MCC: variants seen among roughly 807,000 people sequenced by gnomAD.
MCC encodes the protein colorectal mutant cancer protein.
MCC carries 90 observed loss-of-function variants against 116.2 expected under a neutral mutation model. The ratio of observed to expected loss-of-function variants is 0.77; its 90% CI spans 0.65 to 0.92. The LOEUF is 0.92. Among genes scored for constraint, MCC ranks in the 40% least tolerant of loss-of-function variants. The pLI is 0.00. For synonymous variants in MCC, 578 were observed against 510.5 expected (o/e 1.13, Z -1.78); for missense variants, 1,516 against 1,312.2 (o/e 1.16, Z -2.40).
At chr5:113,074,342 C>G (rs566495836) in intron 11 of MCC, among the ~76,000 whole-genome samples, 1 of 152,208 alleles carries the variant, frequency 6.6e-6, no homozygotes, top group Non-Finnish European at 1.5e-5. Flanking sequence ...GGAAAACTAA[C>G]AAACAGAAAG....
At chr5:113,242,920 T>C (rs1263342895) in intron 3 of MCC, among the ~76,000 whole-genome samples, 2 of 152,206 alleles carry the variant, frequency 1.3e-5, no homozygotes, top group Non-Finnish European at 2.9e-5. Flanking sequence ...CCAGTGGTGG[T>C]GAGAGTTTCC....
chr5:113,153,464 G>A (rs1338473942), intron 3 of MCC, among the ~76,000 whole-genome samples: 1 of 152,184 alleles, frequency 6.6e-6, no homozygotes, highest in African/African-American at 2.4e-5. Context: ...ATGGGGGAGA[G>A]CACCGGGCTT....
intron 17 of MCC, among the ~76,000 whole-genome samples, chr5:113,035,340 G>A (rs563825145): frequency 6.6e-6 from 1 of 152,172 alleles, no homozygotes; most frequent in Non-Finnish European, 1.5e-5. Flanking sequence ...CCAGGTCCAA[G>A]TGGTCATCAC....
At chr5:113,426,952 C>G (rs1029989847) in intron 1 of MCC, among the ~76,000 whole-genome samples, 1 of 152,164 alleles carries the variant, frequency 6.6e-6, no homozygotes, top group Admixed American at 6.5e-5. Flanking sequence ...ATCCACAAAA[C>G]TCATCCTCAA....
intron 3 of MCC, among the ~76,000 whole-genome samples, chr5:113,179,151 T>C (rs998888194): frequency 3.3e-5 from 5 of 152,194 alleles, no homozygotes; most frequent in African/African-American, 1.2e-4. Context: ...GACATCCCTG[T>C]AAATCCATGT....
rs895407503 is a variant in MCC at position 113,071,323 on chromosome 5, G to T, written c.1785-89C>A. 5 of 1,413,026 alleles carry T rather than the reference G, an allele frequency of 3.5e-6. No homozygotes were observed. The African/African-American group carries it at 5.7e-5, about 16-fold the overall frequency. 87.5% of individuals were successfully genotyped at this position (1,413,026 alleles called of 1,614,324 possible). ...TCTCATTTATATTCAGGGCAGAAAA[G>T]CATGTGAGGATGTGGGCCTGTCAGA... On this transcript the variant is annotated intron_variant, in intron 11 of 18. Transcript: ENST00000408903.
intron 3 of MCC, among the ~76,000 whole-genome samples, chr5:113,165,003 G>A (rs539412542): frequency 6.0e-4 from 91 of 152,328 alleles, no homozygotes; most frequent in African/African-American, 1.6e-3. Context: ...AAAAGACCTT[G>A]TTCCTGCAAG....
chr5:113,453,510 C>T (rs1372966140), intron 1 of MCC, among the ~76,000 whole-genome samples: 1 of 152,210 alleles, frequency 6.6e-6, no homozygotes, highest in African/African-American at 2.4e-5. Context: ...TCAACTCCTC[C>T]TCCACCTCCC....
intron 1 of MCC, among the ~76,000 whole-genome samples, chr5:113,418,615 C>G (rs1049774298): frequency 6.6e-6 from 1 of 152,008 alleles, no homozygotes; most frequent in African/African-American, 2.4e-5. Flanking sequence ...TAAAGAAATA[C>G]TGTATGTAAA....
At chr5:113,085,058 G>A (rs1478245656) in intron 9 of MCC, 106 bp downstream of exon 9, 27 of 1,486,604 alleles carry the variant, frequency 1.8e-5, no homozygotes, top group Non-Finnish European at 2.2e-5. Flanking sequence ...GAAGCCCCTT[G>A]TGCTGTCTCA....
chr5:113,203,222 C>G lies in MCC; in HGVS notation c.628-51800G>C, dbSNP rs187024906. 8 of 152,414 alleles carry G rather than the reference C, an allele frequency of 5.2e-5. No homozygotes were observed. The East Asian group carries it at 1.4e-3, about 26-fold the overall frequency. 9.4% of individuals were successfully genotyped at this position (152,414 alleles called of 1,614,324 possible). A position where few individuals can be genotyped will look rare whatever the true frequency, so the allele number is the denominator to read the frequency against. On this transcript the variant is annotated intron_variant, in intron 3 of 18. Transcript: ENST00000408903. ...GCACTGTGAGCTGGGCCAGTTGCCC[C>G]GCTTGTGCTCCTACCTTGACATGTG...
intron 2 of MCC, among the ~76,000 whole-genome samples, chr5:113,365,617 T>G (rs1768667751): frequency 6.6e-6 from 1 of 152,172 alleles, no homozygotes; most frequent in South Asian, 2.1e-4. Context: ...TTGGTACCAA[T>G]TTTCTGTATT....
At chr5:113,205,140 A>G (rs1762859458) in intron 3 of MCC, among the ~76,000 whole-genome samples, 1 of 151,986 alleles carries the variant, frequency 6.6e-6, no homozygotes, top group African/African-American at 2.4e-5. Flanking sequence ...CCTTACTGGT[A>G]TTTTTCTCTA....
At chr5:113,196,998 C>T (rs1379146139) in intron 3 of MCC, among the ~76,000 whole-genome samples, 1 of 152,122 alleles carries the variant, frequency 6.6e-6, no homozygotes, top group Non-Finnish European at 1.5e-5. Flanking sequence ...CAGTGTCTGC[C>T]CTCATGGAGC....
intron 3 of MCC, among the ~76,000 whole-genome samples, chr5:113,317,988 G>C (rs530226535): frequency 1.2e-4 from 18 of 152,308 alleles, no homozygotes; most frequent in African/African-American, 3.8e-4. Flanking sequence ...AATGCTTTAT[G>C]AATCATATAA....
intron 1 of MCC, among the ~76,000 whole-genome samples, chr5:113,440,543 T>G (rs374028357): frequency 1.3e-4 from 19 of 151,476 alleles, no homozygotes; most frequent in South Asian, 1.0e-3. Context: ...ACTCAATAGA[T>G]ATTTATTTAA....
chr5:113,202,217 A>G (rs762484063), intron 3 of MCC, among the ~76,000 whole-genome samples: 74 of 152,146 alleles, frequency 4.9e-4, no homozygotes, highest in Non-Finnish European at 7.9e-4. Context: ...AAAGGGGGAA[A>G]AAAAAAAAGG....
chr5:113,388,247 T>A (rs1165820837), intron 1 of MCC, among the ~76,000 whole-genome samples: 1 of 152,224 alleles, frequency 6.6e-6, no homozygotes, highest in East Asian at 1.9e-4. Flanking sequence ...CCAAATTAAG[T>A]CAAATTGTAA....
At chr5:113,385,296 T>C in intron 1 of MCC, 84 bp from the exon 2 acceptor site, 1 of 1,362,538 alleles carries the variant, frequency 7.3e-7, no homozygotes, top group Non-Finnish European at 1.0e-6. Context: ...AAAAAGGTAT[T>C]TCTTAAATAT....
Sources: allele counts gnomAD v4.1 joint callset (sites outside exome capture counted in the v4.1 genomes callset), GRCh38; gene constraint gnomAD v4.1.1; transcripts MANE v1.5; gene names NCBI Gene and HGNC (gene_info 2026-07-23, HGNC 2026-07-21).